Variants in SLC24A2 observed in about 807,000 individuals in gnomAD.
SLC24A2 encodes the protein solute carrier family 24 member 2, also known as sodium/potassium/calcium exchanger 2.
Under a neutral mutation model 62.0 loss-of-function variants are expected in SLC24A2, and 36 were observed. That is an observed-to-expected ratio of 0.58 (90% CI 0.44 to 0.77). SLC24A2 has a LOEUF of 0.77. SLC24A2 is among the 30% of genes least tolerant of loss of function. The pLI is 0.00. For synonymous variants in SLC24A2, 358 were observed against 294.0 expected (o/e 1.22, Z -2.23); for missense variants, 846 against 817.9 (o/e 1.03, Z -0.42).
intron 2 of SLC24A2, among the ~76,000 whole-genome samples, chr9:19,642,986 CT>C (rs71335441): frequency 0.22 from 27,279 of 125,108 alleles, 2,912 homozygotes; most frequent in Middle Eastern, 0.27. Context: ...GGCCAGTATT[CT>C]TTTTTTTTTT....
the SLC24A2 span, among the ~76,000 whole-genome samples, chr9:20,018,095 C>T: frequency 2.0e-5 from 3 of 152,100 alleles, no homozygotes; most frequent in East Asian, 1.9e-4. Context: ...TACAGGCACC[C>T]GCCACCAGGC....
chr9:20,145,040 TATCAA>T, the SLC24A2 span, among the ~76,000 whole-genome samples: 1 of 152,150 alleles, frequency 6.6e-6, no homozygotes, highest in Non-Finnish European at 1.5e-5. Context: ...AGCAACTACT[TATCAA>T]GTAATTGTTA....
At chr9:19,795,374 G>A in the SLC24A2 span, among the ~76,000 whole-genome samples, 1 of 149,940 alleles carries the variant, frequency 6.7e-6, no homozygotes, top group Admixed American at 6.8e-5. Context: ...AACAGTGACA[G>A]TTCCTCTCCA....
intron 5 of SLC24A2, among the ~76,000 whole-genome samples, chr9:19,580,628 A>G (rs1429280188): frequency 2.6e-5 from 4 of 152,216 alleles, no homozygotes; most frequent in Non-Finnish European, 5.9e-5. Context: ...GAAGAACAGC[A>G]AACAAGGTGT....
At chr9:20,294,771 T>A in the SLC24A2 span, among the ~76,000 whole-genome samples, 1 of 152,134 alleles carries the variant, frequency 6.6e-6, no homozygotes, top group Admixed American at 6.6e-5. Context: ...GGCACCATCC[T>A]CAACCTCACA....
chr9:20,164,317 GCA>G, the SLC24A2 span, among the ~76,000 whole-genome samples: 3 of 151,924 alleles, frequency 2.0e-5, no homozygotes, highest in Non-Finnish European at 4.4e-5. Context: ...CAAAAAGTGG[GCA>G]AAGGACATGA....
At chr9:19,982,800 G>T in the SLC24A2 span, among the ~76,000 whole-genome samples, 1 of 152,146 alleles carries the variant, frequency 6.6e-6, no homozygotes, top group Admixed American at 6.5e-5. Context: ...GAAGAAATCT[G>T]AGAACATGTA....
the SLC24A2 span, among the ~76,000 whole-genome samples, chr9:19,989,180 A>G: frequency 1.3e-5 from 2 of 152,178 alleles, no homozygotes; most frequent in East Asian, 1.9e-4. Flanking sequence ...TTCATTAACC[A>G]TAATAACTTT....
chr9:20,050,797 T>C, the SLC24A2 span, among the ~76,000 whole-genome samples: 19 of 152,170 alleles, frequency 1.2e-4, no homozygotes, highest in Non-Finnish European at 2.5e-4. Context: ...ATGCAACTAA[T>C]ATAAAGCTGT....
intron 2 of SLC24A2, among the ~76,000 whole-genome samples, chr9:19,730,535 T>G (rs1334282360): frequency 6.6e-6 from 1 of 152,188 alleles, no homozygotes; most frequent in Non-Finnish European, 1.5e-5. Flanking sequence ...GCTAGGCCAT[T>G]ATTTCACAAA....
the SLC24A2 span, among the ~76,000 whole-genome samples, chr9:19,949,944 G>A: frequency 1.3e-5 from 2 of 152,146 alleles, no homozygotes; most frequent in Non-Finnish European, 2.9e-5. Context: ...ACCAGCAGCG[G>A]CACCCGGGAA....
intron 2 of SLC24A2, among the ~76,000 whole-genome samples, chr9:19,706,885 A>G (rs1820543113): frequency 6.6e-6 from 1 of 152,050 alleles, no homozygotes; most frequent in Non-Finnish European, 1.5e-5. Flanking sequence ...AGCTAGCGGA[A>G]GGCAAGAAAT....
chr9:19,874,075 C>CTTTT, the SLC24A2 span, among the ~76,000 whole-genome samples: 63 of 107,274 alleles, frequency 5.9e-4, no homozygotes, highest in East Asian at 1.3e-3. Context: ...CTTTTCTTTT[C>CTTTT]TTTTTTTTTT....
chr9:19,769,291 CA>C (rs1259865809), intron 2 of SLC24A2, among the ~76,000 whole-genome samples: 1 of 152,180 alleles, frequency 6.6e-6, no homozygotes, highest in Non-Finnish European at 1.5e-5. Flanking sequence ...AAGATACGTC[CA>C]GCATTTGATC....
chr9:20,266,771 C>T, the SLC24A2 span, among the ~76,000 whole-genome samples: 4 of 152,146 alleles, frequency 2.6e-5, no homozygotes, highest in Non-Finnish European at 4.4e-5. Flanking sequence ...AGACACTGAG[C>T]AGTACTGTAA....
At chr9:20,102,933 C>G in the SLC24A2 span, among the ~76,000 whole-genome samples, 1 of 152,138 alleles carries the variant, frequency 6.6e-6, no homozygotes, top group South Asian at 2.1e-4. Flanking sequence ...CAGGGAGTTC[C>G]CTTTCCTAGT....
chr9:19,820,214 GAT>G, the SLC24A2 span, among the ~76,000 whole-genome samples: 1 of 150,244 alleles, frequency 6.7e-6, no homozygotes, highest in Non-Finnish European at 1.5e-5. Context: ...TGTTCTCACT[GAT>G]ATGTGGAAAG....
chr9:19,834,968 C>G, the SLC24A2 span, among the ~76,000 whole-genome samples: 8 of 152,058 alleles, frequency 5.3e-5, no homozygotes, highest in Non-Finnish European at 1.2e-4. Flanking sequence ...TCATATCCAG[C>G]CAAACTAAAC....
the SLC24A2 span, among the ~76,000 whole-genome samples, chr9:19,827,024 C>A: frequency 3.9e-5 from 6 of 152,206 alleles, 1 homozygote; most frequent in African/African-American, 1.2e-4. Flanking sequence ...AGTTCTTTGC[C>A]AGGTAGGACA....
Sources: allele counts gnomAD v4.1 joint callset (sites outside exome capture counted in the v4.1 genomes callset), GRCh38; gene constraint gnomAD v4.1.1; transcripts MANE v1.5; gene names NCBI Gene and HGNC (gene_info 2026-07-23, HGNC 2026-07-21).